The following TGFB2 variants were observed in gnomAD, a reference collection of about 807,000 sequenced individuals.
TGFB2 encodes the protein transforming growth factor beta 2.
Under a neutral mutation model 42.7 loss-of-function variants are expected in TGFB2, and 13 were observed. The ratio of observed to expected loss-of-function variants is 0.30; its 90% CI spans 0.20 to 0.48. The LOEUF (loss-of-function observed/expected upper bound fraction) is 0.48. Ranked by LOEUF, TGFB2 falls within the 20% of genes least tolerant of loss-of-function variation. The probability of loss-of-function intolerance (pLI) is 0.99; values close to 1 mark genes in which losing one functional copy is unlikely to be tolerated. For missense variants in TGFB2, 390 were observed against 517.5 expected (o/e 0.75, Z 2.39); for synonymous variants, 193 against 193.6 (o/e 1.00, Z 0.03).
intron 1 of TGFB2, among the ~76,000 whole-genome samples, chr1:218,383,377 CT>C (rs10482755): frequency 0.049 from 7,404 of 152,182 alleles, 207 homozygotes; most frequent in Middle Eastern, 0.082. Flanking sequence ...AGCATGTGTC[CT>C]TTTTAATGTA....
At chr1:218,439,634 T>C (rs1005442720) in intron 6 of TGFB2, among the ~76,000 whole-genome samples, 23 of 152,184 alleles carry the variant, frequency 1.5e-4, no homozygotes. Flanking sequence ...ACCGTGTGCT[T>C]GGCCATGTGA....
chr1:218,385,103 A>G (rs11466381), intron 1 of TGFB2, among the ~76,000 whole-genome samples: 12,149 of 151,690 alleles, frequency 0.08, 513 homozygotes, highest in East Asian at 0.12. Flanking sequence ...GTTTGATTCT[A>G]TTTTTTCCCC....
At chr1:218,378,945 T>C (rs6604607) in intron 1 of TGFB2, among the ~76,000 whole-genome samples, 10,539 of 151,926 alleles carry the variant, frequency 0.069, 1,224 homozygotes, top group African/African-American at 0.24. Flanking sequence ...CTGTGGCTAT[T>C]ACCCTCCTGA....
intron 2 of TGFB2, among the ~76,000 whole-genome samples, chr1:218,414,227 GCACACACACA>G (rs5781033): frequency 6.9e-6 from 1 of 145,776 alleles, no homozygotes; most frequent in African/African-American, 2.6e-5. Flanking sequence ...AAACACATGT[GCACACACACA>G]CACACACACA....
intron 1 of TGFB2, among the ~76,000 whole-genome samples, chr1:218,376,094 C>T (rs1202695979): frequency 6.6e-6 from 1 of 152,178 alleles, no homozygotes; most frequent in African/African-American, 2.4e-5. Context: ...AGAGCTGCTG[C>T]ACAACGTCGT....
At chr1:218,384,300 G>A (rs958808115) in intron 1 of TGFB2, among the ~76,000 whole-genome samples, 1 of 152,054 alleles carries the variant, frequency 6.6e-6, no homozygotes, top group African/African-American at 2.4e-5. Context: ...TTGGAATATC[G>A]TGGTGGAAAA....
intron 1 of TGFB2, among the ~76,000 whole-genome samples, chr1:218,374,658 AT>A (rs1657683808): frequency 1.3e-5 from 2 of 152,230 alleles, no homozygotes; most frequent in Non-Finnish European, 2.9e-5. Flanking sequence ...AGCATTCTTC[AT>A]ATTACAAGTT....
At chr1:218,364,534 A>G (rs1389443448) in intron 1 of TGFB2, among the ~76,000 whole-genome samples, 2 of 152,210 alleles carry the variant, frequency 1.3e-5, no homozygotes, top group African/African-American at 2.4e-5. Context: ...GCATTGGTTC[A>G]CTGCATATTT....
chr1:218,371,012 C>T (rs1446571044), intron 1 of TGFB2, among the ~76,000 whole-genome samples: 1 of 152,192 alleles, frequency 6.6e-6, no homozygotes, highest in Non-Finnish European at 1.5e-5. Context: ...TTTAAAAAAA[C>T]TTTCTGGCTG....
chr1:218,418,649 C>A (rs1220269179), intron 2 of TGFB2, among the ~76,000 whole-genome samples: 1 of 152,138 alleles, frequency 6.6e-6, no homozygotes. Context: ...TGTCCCCACC[C>A]AGATCTCATC....
At position 218,404,051 on chromosome 1, in the gene TGFB2, CAAAAA is replaced by C. The variant is rs35450089; in HGVS notation, c.347-1102_347-1098del. Among the ~76,000 whole-genome samples the C allele has an allele frequency of 4.0e-5, 4 of 99,750 alleles. 1 individual carries two copies. Among genetic ancestry groups the C allele is most frequent in the Non-Finnish European group, 6.2e-5 (3 of 48,258 alleles). 65.4% of individuals were successfully genotyped at this position (99,750 alleles called of 152,430 possible). ...CATATTCAAAGACATTGGCAGATTACAAAAAAAAAAAAAAAAAAAAGCCAGCACAA... is the reference window on the plus strand; with the variant it reads ...CATATTCAAAGACATTGGCAGATTACAAAAAAAAAAAAAAAGCCAGCACAA... On this transcript the variant is annotated intron_variant, in intron 1 of 6. Transcript: ENST00000366930.
rs1660217299 is a variant in TGFB2 at position 218,443,326 on chromosome 1, A to G, written c.*1964A>G. On this transcript the variant is annotated 3_prime_UTR_variant, in exon 7 of 7. Coordinates refer to ENST00000366930, the MANE Select transcript of TGFB2 (RefSeq NM_003238.6). Reference sequence around the variant, plus strand: ...TAAAATAAAAATTAATAGGCAAAGCAATGGAATATTTGCAGTTTCACCTAA... The same window carrying G: ...TAAAATAAAAATTAATAGGCAAAGCGATGGAATATTTGCAGTTTCACCTAA... 1 of 152,246 alleles carries G rather than the reference A, an allele frequency of 6.6e-6. No homozygotes were observed. Among genetic ancestry groups the G allele is most frequent in the Admixed American group, 6.5e-5 (1 of 15,288 alleles). The allele number at this position is 152,246 out of a possible 1,614,324, so 9.4% of individuals were successfully genotyped here. A position where few individuals can be genotyped will look rare whatever the true frequency, so the allele number is the denominator to read the frequency against.
In TGFB2 at chr1:218,443,585, C is replaced by T. The variant is rs1553304226; in HGVS notation, c.*2223C>T. 1 of 152,078 alleles carries T rather than the reference C, an allele frequency of 6.6e-6. No individual in the cohort carries two copies. Among genetic ancestry groups the T allele is most frequent in the Non-Finnish European group, 1.5e-5 (1 of 68,012 alleles). 9.4% of individuals were successfully genotyped at this position (152,078 alleles called of 1,614,324 possible). On this transcript the variant is annotated 3_prime_UTR_variant, in exon 7 of 7. Coordinates refer to ENST00000366930, the MANE Select transcript of TGFB2 (RefSeq NM_003238.6). ...TTCCACTTTTCTATTATGTGTAAATCACTTTTATTTCTGCAGACATTTTCC... is the reference window on the plus strand; with the variant it reads ...TTCCACTTTTCTATTATGTGTAAATTACTTTTATTTCTGCAGACATTTTCC...
chr1:218,426,660 C>T (rs1659634188), intron 2 of TGFB2, among the ~76,000 whole-genome samples: 1 of 152,016 alleles, frequency 6.6e-6, no homozygotes, highest in Non-Finnish European at 1.5e-5. Flanking sequence ...ACATGAGAAG[C>T]CCCCTTTTCT....
intron 1 of TGFB2, among the ~76,000 whole-genome samples, chr1:218,379,479 CTTTCTTTCT>C (rs1308267331): frequency 1.2e-5 from 1 of 84,384 alleles, no homozygotes; most frequent in African/African-American, 4.1e-5. Flanking sequence ...TTCTTTCTTT[CTTTCTTTCT>C]TTTTTTTTTT....
intron 1 of TGFB2, among the ~76,000 whole-genome samples, chr1:218,378,015 T>G (rs958304894): frequency 6.6e-6 from 1 of 152,090 alleles, no homozygotes; most frequent in Non-Finnish European, 1.5e-5. Flanking sequence ...TTGCTCTGTT[T>G]CCCAGGCTGG....
chr1:218,359,680 G>A (rs78072844), intron 1 of TGFB2, among the ~76,000 whole-genome samples: 3 of 152,154 alleles, frequency 2.0e-5, no homozygotes, highest in African/African-American at 7.2e-5. Flanking sequence ...TCTCTAAGAA[G>A]AGTAGAAACT....
chr1:218,382,480 C>T (rs1657997895), intron 1 of TGFB2, among the ~76,000 whole-genome samples: 1 of 152,220 alleles, frequency 6.6e-6, no homozygotes, highest in African/African-American at 2.4e-5. Flanking sequence ...AGCAGGACCA[C>T]TGATTCATCC....
In TGFB2 at chr1:218,346,076, A is replaced by ACACACACACACG. The variant is rs1288289230; in HGVS notation, c.-621_-620insACACACGCACAC. 6.6e-6 allele frequency among the ~76,000 whole-genome samples: 1 copy of ACACACACACACG among 151,314 alleles called. No homozygotes were observed. The highest frequency in any genetic ancestry group is 2.4e-5 in the African/African-American group (1 of 41,144). ...CACACGCACACACACACACACACACACACACGCACGCACACACGTGTGCGC... is the reference window on the plus strand; with the variant it reads ...CACACGCACACACACACACACACACACACACACACACGCACACGCACGCACACACGTGTGCGC... On this transcript the variant is annotated 5_prime_UTR_variant, in exon 1 of 7. Transcript: ENST00000366930. This position sits in a 1 kb window ranked among gnomAD's most constrained non-coding sequence, Gnocchi z 4.9.
Sources: allele counts gnomAD v4.1 joint callset (sites outside exome capture counted in the v4.1 genomes callset), GRCh38; gene constraint gnomAD v4.1.1; non-coding constraint Gnocchi (gnomAD v3.1); transcripts MANE v1.5; gene names NCBI Gene and HGNC (gene_info 2026-07-23, HGNC 2026-07-21).